Variants in HOOK3 observed in about 807,000 individuals in gnomAD.
HOOK3 encodes hook microtubule tethering protein 3, also known as protein Hook homolog 3.
HOOK3 carries 24 observed loss-of-function variants against 116.3 expected under a neutral mutation model. That is an observed-to-expected ratio of 0.21 (90% CI 0.15 to 0.29). HOOK3 has a LOEUF of 0.29. Among genes scored for constraint, HOOK3 ranks in the 10% least tolerant of loss-of-function variants. The pLI, the probability that HOOK3 is intolerant of heterozygous loss-of-function variation, is 1.00. For missense variants in HOOK3, 632 were observed against 830.2 expected, an observed-to-expected ratio of 0.76 and a Z score of 2.93; for synonymous variants, 275 against 283.0, an observed-to-expected ratio of 0.97 and a Z score of 0.28.
intron 4 of HOOK3, among the ~76,000 whole-genome samples, chr8:42,934,657 C>A (rs1479031044): frequency 6.6e-6 from 1 of 152,022 alleles, no homozygotes. Flanking sequence ...GTTTTCTGTC[C>A]TTGTGATAGT....
intron 18 of HOOK3, among the ~76,000 whole-genome samples, chr8:43,008,939 G>A (rs1003092574): frequency 1.3e-5 from 2 of 151,598 alleles, no homozygotes; most frequent in African/African-American, 4.8e-5. Context: ...GATTACAGGC[G>A]TGAGCCACCG....
rs1809876758 is a variant in HOOK3 at position 43,023,722 on chromosome 8, A to G, written c.*5224A>G. 5.4e-6 allele frequency: 1 copy of G among 184,900 alleles called. No homozygotes were observed. Among genetic ancestry groups the G allele is most frequent in the South Asian group, 2.0e-4 (1 of 5,090 alleles). 11.5% of individuals were successfully genotyped at this position (184,900 alleles called of 1,614,324 possible). A position where few individuals can be genotyped will look rare whatever the true frequency, so the allele number is the denominator to read the frequency against. ...GTGATCCGTCCACCTTGGCCTCCCA[A>G]AGTGCTGGGATTACAGGCGTGTGTT... is the stretch of plus-strand genomic sequence containing the variant. On this transcript the variant is annotated 3_prime_UTR_variant, in exon 22 of 22. Transcript: ENST00000307602.
At chr8:42,987,186 C>A (rs1209299861) in intron 15 of HOOK3, among the ~76,000 whole-genome samples, 1 of 152,086 alleles carries the variant, frequency 6.6e-6, no homozygotes, top group Non-Finnish European at 1.5e-5. Context: ...AACAAAAAAA[C>A]CAACAACAAA....
chr8:42,937,912 G>A lies in HOOK3; in HGVS notation c.268-5401G>A, dbSNP rs141255143. Among the ~76,000 whole-genome samples, 1,433 of 152,192 alleles carry A rather than the reference G, an allele frequency of 9.4e-3. 11 individuals are homozygous for A. The highest frequency in any genetic ancestry group is 0.015 in the Non-Finnish European group (1,019 of 68,000). ...TGTAGATGTCTATTAGGTCTGCTTG[G>A]TCCAGAGCTGAGTTCAAGTCCTGAA... On this transcript the variant is annotated intron_variant, in intron 4 of 21. Transcript: ENST00000307602.
At chr8:42,982,834 G>A (rs974953811) in intron 14 of HOOK3, 138 bp downstream of exon 14, 2 of 619,524 alleles carry the variant, frequency 3.2e-6, no homozygotes, top group Admixed American at 5.6e-5. Flanking sequence ...AAATTTTTAT[G>A]TTTTCAACAT....
chr8:42,999,365 T>C (rs1206984196), intron 16 of HOOK3, among the ~76,000 whole-genome samples: 1 of 152,228 alleles, frequency 6.6e-6, no homozygotes, highest in Non-Finnish European at 1.5e-5. Flanking sequence ...TGCTGTAAAC[T>C]AAGCAGAACT....
chr8:43,010,095 T>G (rs1809575499), intron 18 of HOOK3, among the ~76,000 whole-genome samples: 1 of 146,416 alleles, frequency 6.8e-6, no homozygotes, highest in Non-Finnish European at 1.5e-5. Context: ...TATAAGAAAA[T>G]CTTTTTGTAA....
At chr8:42,964,972 C>T (rs891433150) in intron 9 of HOOK3, among the ~76,000 whole-genome samples, 1 of 152,236 alleles carries the variant, frequency 6.6e-6, no homozygotes, top group African/African-American at 2.4e-5. Context: ...GCGCCACCCT[C>T]CTTATTGTTT....
intron 2 of HOOK3, among the ~76,000 whole-genome samples, chr8:42,912,716 A>G (rs1409473173): frequency 1.3e-5 from 2 of 152,026 alleles, no homozygotes; most frequent in African/African-American, 2.4e-5. Flanking sequence ...CCCCACCACA[A>G]TGGTATATTT....
intron 1 of HOOK3, among the ~76,000 whole-genome samples, chr8:42,902,719 ATCTT>A (rs761391210): frequency 1.3e-5 from 2 of 152,140 alleles, no homozygotes; most frequent in Non-Finnish European, 2.9e-5. Context: ...TTTTTCCCCA[ATCTT>A]TCTTTATATG....
At chr8:42,982,475 ATACT>A (rs1441418186) in intron 13 of HOOK3, 148 bp from the exon 14 acceptor site, 7 of 569,914 alleles carry the variant, frequency 1.2e-5, no homozygotes, top group East Asian at 1.2e-4. Flanking sequence ...TAAAATAATA[ATACT>A]TAATAATATT....
At chr8:42,995,480 G>A (rs1248530361) in intron 15 of HOOK3, among the ~76,000 whole-genome samples, 1 of 152,000 alleles carries the variant, frequency 6.6e-6, no homozygotes, top group African/African-American at 2.4e-5. Flanking sequence ...CTCATTCTCT[G>A]ATATTCTTCA....
At chr8:42,921,163 T>TG (rs1184132365) in intron 2 of HOOK3, among the ~76,000 whole-genome samples, 1 of 148,244 alleles carries the variant, frequency 6.7e-6, no homozygotes, top group African/African-American at 2.5e-5. Flanking sequence ...ATTTTAAAGT[T>TG]TTTTTTTTTT....
At position 43,027,014 on chromosome 8, in the gene HOOK3, C is replaced by A. The variant is rs1809944073; in HGVS notation, c.*8516C>A. The A allele has an allele frequency of 5.5e-6, 1 of 180,958 alleles. No homozygotes were observed. Among genetic ancestry groups the A allele is most frequent in the Non-Finnish European group, 1.2e-5 (1 of 84,870 alleles). The allele number at this position is 180,958 out of a possible 1,614,324, so 11.2% of individuals were successfully genotyped here. ...TCAAGTGATTCTCCCACCTCAGCCT[C>A]CCGAGTAGTTAGGATTACAGGTGCC... On this transcript the variant is annotated 3_prime_UTR_variant, in exon 22 of 22. Transcript: ENST00000307602.
intron 4 of HOOK3, among the ~76,000 whole-genome samples, chr8:42,938,910 T>C (rs1216699596): frequency 6.6e-6 from 1 of 152,004 alleles, no homozygotes; most frequent in East Asian, 1.9e-4. Flanking sequence ...TAGCGAGTGG[T>C]GATGACTCTT....
Position 42,992,561 on chromosome 8 carries a change from C to A in HOOK3, c.1533-4989C>A, listed in dbSNP as rs545113098. ...TGAAACCCCGTCTCTGCTAAAAATA[C>A]AAAAATTAGCTGGGTGTGGTGGTGC... On this transcript the variant is annotated intron_variant, in intron 15 of 21. Coordinates refer to ENST00000307602, the MANE Select transcript of HOOK3 (RefSeq NM_032410.4). 1.9e-4 allele frequency among the ~76,000 whole-genome samples: 28 copies of A among 150,046 alleles called. 1 individual carries two copies. The South Asian group carries it at 5.5e-3, about 30-fold the overall frequency.
At position 43,029,450 on chromosome 8, in the gene HOOK3, A is replaced by G. The variant is rs1419103440; in HGVS notation, c.*10952A>G. ...GGCATGAGCCACTGCGCCCGGCCCAAATCTTTTATTTTTTAACAGCCTTAG... is the reference window on the plus strand; with the variant it reads ...GGCATGAGCCACTGCGCCCGGCCCAGATCTTTTATTTTTTAACAGCCTTAG... On this transcript the variant is annotated 3_prime_UTR_variant, in exon 22 of 22. Transcript: ENST00000307602. 5.6e-6 allele frequency: 1 copy of G among 177,202 alleles called. No homozygotes were observed. Among genetic ancestry groups the G allele is most frequent in the Non-Finnish European group, 1.2e-5 (1 of 82,452 alleles). 11.0% of individuals were successfully genotyped at this position (177,202 alleles called of 1,614,324 possible).
Position 43,029,401 on chromosome 8 carries a change from G to A in HOOK3, c.*10903G>A, listed in dbSNP as rs141190550. The A allele has an allele frequency of 1.3e-4, 22 of 171,496 alleles. No individual in the cohort carries two copies. The East Asian group carries it at 2.2e-3, about 17-fold the overall frequency. 10.6% of individuals were successfully genotyped at this position (171,496 alleles called of 1,614,324 possible). A position where few individuals can be genotyped will look rare whatever the true frequency, so the allele number is the denominator to read the frequency against. Reference sequence around the variant, plus strand: ...TTGATCTCGTGATCTGCCCGCATTGGCCTCCTGAAGTGCTGGGATTACAGG... The same window carrying A: ...TTGATCTCGTGATCTGCCCGCATTGACCTCCTGAAGTGCTGGGATTACAGG... On this transcript the variant is annotated 3_prime_UTR_variant, in exon 22 of 22. Coordinates refer to ENST00000307602, the MANE Select transcript of HOOK3 (RefSeq NM_032410.4).
chr8:43,014,608 C>T (rs914868630), intron 21 of HOOK3, among the ~76,000 whole-genome samples: 3 of 151,988 alleles, frequency 2.0e-5, no homozygotes, highest in Non-Finnish European at 4.4e-5. Context: ...CCTTGGCCTC[C>T]CAAATGCTGG....
Sources: allele counts gnomAD v4.1 joint callset (sites outside exome capture counted in the v4.1 genomes callset), GRCh38; gene constraint gnomAD v4.1.1; transcripts MANE v1.5; gene names NCBI Gene and HGNC (gene_info 2026-07-23, HGNC 2026-07-21).